Variants in HERC4 observed in about 807,000 individuals in gnomAD.
HERC4 encodes HECT and RLD domain containing E3 ubiquitin protein ligase 4.
A neutral mutation model predicts 124.3 loss-of-function variants in HERC4; 28 were observed. The observed-to-expected ratio is 0.23, with a 90% CI of 0.17 to 0.31. The LOEUF is 0.31. Among genes scored for constraint, HERC4 ranks in the 10% least tolerant of loss-of-function variants. The pLI is 1.00. For synonymous variants in HERC4, 407 were observed against 421.5 expected, an observed-to-expected ratio of 0.97 and a Z score of 0.42; for missense variants, 713 against 1,229.3, an observed-to-expected ratio of 0.58 and a Z score of 6.28.
intron 3 of HERC4, among the ~76,000 whole-genome samples, chr10:68,061,795 C>T (rs571098911): frequency 7.8e-5 from 11 of 140,820 alleles, no homozygotes; most frequent in African/African-American, 1.9e-4. Flanking sequence ...GCAGGAGAAT[C>T]GCTTGAACCT....
chr10:67,932,702 G>C lies in HERC4; in HGVS notation c.2733C>G (p.Gly911=). The stretch of plus-strand genomic sequence containing the variant: ...CTTTTCCTCCACAGACCTTATGAAA[G>C]CCCGCATGAAAAGCATCAAATAAGG... The part of the protein sequence containing the change: ...VASLFDAFHA[G]FHKVCGGKVL... Residue 911 remains glycine (G), a synonymous_variant, in exon 23 of 25, where the codon GGC becomes GGG. Transcript: ENST00000373700. The C allele has an allele frequency of 6.2e-7, 1 of 1,601,992 alleles. No individual in the cohort carries two copies. The highest frequency in any genetic ancestry group is 8.5e-7 in the Non-Finnish European group (1 of 1,177,400).
chr10:68,072,263 T>G (rs1377237261), intron 3 of HERC4, among the ~76,000 whole-genome samples: 1 of 152,160 alleles, frequency 6.6e-6, no homozygotes, highest in Non-Finnish European at 1.5e-5. Context: ...AAAATTCTCA[T>G]TACCCTACAA....
At chr10:68,066,345 G>C (rs2041302166) in intron 3 of HERC4, among the ~76,000 whole-genome samples, 1 of 152,192 alleles carries the variant, frequency 6.6e-6, no homozygotes, top group Non-Finnish European at 1.5e-5. Context: ...ACTGCCATCT[G>C]CAACAAGAAT....
chr10:68,027,270 G>C (rs969496019), intron 7 of HERC4, among the ~76,000 whole-genome samples: 16 of 152,240 alleles, frequency 1.1e-4, no homozygotes, highest in Non-Finnish European at 1.9e-4. Flanking sequence ...AAGGTAAAGA[G>C]AAAATATAGT....
intron 15 of HERC4, among the ~76,000 whole-genome samples, chr10:67,974,037 C>T (rs769871615): frequency 2.2e-5 from 3 of 133,830 alleles, no homozygotes; most frequent in Non-Finnish European, 4.7e-5. Context: ...CAGAGAGAGA[C>T]TCTGTCTCAA....
intron 9 of HERC4, among the ~76,000 whole-genome samples, chr10:67,998,703 G>A (rs1225877936): frequency 1.3e-5 from 2 of 152,122 alleles, no homozygotes; most frequent in Non-Finnish European, 2.9e-5. Flanking sequence ...TTCTATGCCA[G>A]TAGTTCTCAA....
At chr10:68,073,279 T>C in intron 2 of HERC4, 93 bp from the exon 3 acceptor site, 2 of 584,790 alleles carry the variant, frequency 3.4e-6, no homozygotes, top group Non-Finnish European at 6.0e-6. Context: ...TGCTACATGG[T>C]AAACATTAAA....
chr10:67,932,882 A>C lies in HERC4; in HGVS notation c.2655-102T>G, dbSNP rs564504406. ...CAAGTGCTCCTACAATTTCTGCTAC[A>C]TATCTACGAAACTGAGAATGTATGA... On this transcript the variant is annotated intron_variant, in intron 22 of 24. Transcript: ENST00000373700. 1,431 of 1,001,636 alleles carry C rather than the reference A, an allele frequency of 1.4e-3. 23 individuals are homozygous for C. In the South Asian group the frequency reaches 0.016, roughly 11 times the overall value. 62.0% of individuals were successfully genotyped at this position (1,001,636 alleles called of 1,614,324 possible).
chr10:68,062,204 ATATTAT>A (rs1041084499), intron 3 of HERC4, among the ~76,000 whole-genome samples: 1 of 152,136 alleles, frequency 6.6e-6, no homozygotes, highest in Non-Finnish European at 1.5e-5. Flanking sequence ...TGCTCACTTA[ATATTAT>A]TAAGTTTACC....
chr10:67,924,797 A>G (rs1446887843), intron 24 of HERC4, among the ~76,000 whole-genome samples: 1 of 152,220 alleles, frequency 6.6e-6, no homozygotes, highest in Non-Finnish European at 1.5e-5. Flanking sequence ...TAGAAATCTA[A>G]AAGGAATTCT....
At chr10:68,023,037 A>G (rs1483783028) in intron 8 of HERC4, among the ~76,000 whole-genome samples, 1 of 152,084 alleles carries the variant, frequency 6.6e-6, no homozygotes, top group East Asian at 1.9e-4. Flanking sequence ...AAAATGAGAA[A>G]ATAACAGTGT....
chr10:67,946,283 A>C (rs1234307249), intron 19 of HERC4, among the ~76,000 whole-genome samples: 1 of 150,694 alleles, frequency 6.6e-6, no homozygotes, highest in African/African-American at 2.4e-5. Context: ...ACTCCTTATC[A>C]ATCAATATAA....
At chr10:68,037,180 C>T (rs541855226) in intron 5 of HERC4, among the ~76,000 whole-genome samples, 58 of 150,762 alleles carry the variant, frequency 3.8e-4, no homozygotes, top group Non-Finnish European at 4.4e-4. Context: ...CTGCAACTTC[C>T]GCCTCCCGGG....
At chr10:68,066,903 C>A (rs554552063) in intron 3 of HERC4, among the ~76,000 whole-genome samples, 128 of 152,234 alleles carry the variant, frequency 8.4e-4, no homozygotes, top group African/African-American at 3.0e-3. Context: ...GCCATCAAAT[C>A]GAATGGCAGG....
chr10:68,074,530 A>G (rs977733633), intron 1 of HERC4: 3 of 152,272 alleles, frequency 2.0e-5, no homozygotes, highest in Admixed American at 6.5e-5. Context: ...TTTAAAACAC[A>G]GAGGCGTCCT....
intron 15 of HERC4, among the ~76,000 whole-genome samples, chr10:67,986,806 AATATG>A (rs998854082): frequency 3.3e-5 from 5 of 152,174 alleles, no homozygotes; most frequent in Admixed American, 2.6e-4. Flanking sequence ...AGGGGTTAGA[AATATG>A]ATCTTTTTGA....
intron 9 of HERC4, chr10:67,995,272 G>GT (rs1489767509): frequency 2.2e-6 from 1 of 455,566 alleles, no homozygotes; most frequent in Non-Finnish European, 4.4e-6. Flanking sequence ...TGTGGTGGTA[G>GT]TAGGCATTGA....
At position 68,040,153 on chromosome 10, in the gene HERC4, AAAATTTGCCAAAAATTTTCT is replaced by A. The variant is rs1246561009; in HGVS notation, c.387-2004_387-1985del. The A allele has an allele frequency of 5.1e-6, 5 of 979,878 alleles. No individual in the cohort carries two copies. In the African/African-American group the frequency reaches 7.0e-5, roughly 14 times the overall value. 60.7% of individuals were successfully genotyped at this position (979,878 alleles called of 1,614,324 possible). A position where few individuals can be genotyped will look rare whatever the true frequency, so the allele number is the denominator to read the frequency against. ...TCTTGGAGGCTTTAGTATTAGTCAT[AAAATTTGCCAAAAATTTTCT>A]AAATTTGCATAGCAATTTATACTCA... On this transcript the variant is annotated intron_variant, in intron 4 of 24. Coordinates refer to ENST00000373700, the MANE Select transcript of HERC4 (RefSeq NM_015601.4).
At chr10:67,927,418 ATATATATATAT>A (rs2031199211) in intron 23 of HERC4, among the ~76,000 whole-genome samples, 2 of 8,716 alleles carry the variant, frequency 2.3e-4, no homozygotes, top group Non-Finnish European at 5.2e-4. Context: ...ATATATATAT[ATATATATATAT>A]ATTTTTTTTT....
Sources: allele counts gnomAD v4.1 joint callset (sites outside exome capture counted in the v4.1 genomes callset), GRCh38; gene constraint gnomAD v4.1.1; transcripts MANE v1.5; gene names NCBI Gene and HGNC (gene_info 2026-07-23, HGNC 2026-07-21).